Variants in CADM1 observed in about 807,000 individuals in gnomAD.
CADM1 encodes the protein cell adhesion molecule 1, also known as TSLC-1.
A neutral mutation model predicts 53.1 loss-of-function variants in CADM1; 15 were observed. The ratio of observed to expected loss-of-function variants is 0.28; its 90% CI spans 0.19 to 0.44. The LOEUF (loss-of-function observed/expected upper bound fraction) is 0.44. Among genes scored for constraint, CADM1 ranks in the 20% least tolerant of loss-of-function variants. CADM1 has a pLI of 1.00. For synonymous variants in CADM1, 281 were observed against 243.0 expected (o/e 1.16, Z -1.45); for missense variants, 434 against 611.3 (o/e 0.71, Z 3.06).
At chr11:115,228,182 C>T (rs1472976183) in intron 5 of CADM1, among the ~76,000 whole-genome samples, 1 of 152,204 alleles carries the variant, frequency 6.6e-6, no homozygotes, top group Non-Finnish European at 1.5e-5. Flanking sequence ...TCCATCCCTA[C>T]AGTCTTTGTG....
At chr11:115,439,942 T>C (rs1216871338) in intron 1 of CADM1, among the ~76,000 whole-genome samples, 2 of 152,228 alleles carry the variant, frequency 1.3e-5, no homozygotes, top group Non-Finnish European at 1.5e-5. Context: ...ATCTGTTCCC[T>C]GAATTAACAG....
intron 1 of CADM1, among the ~76,000 whole-genome samples, chr11:115,241,585 A>G (rs1942230955): frequency 1.3e-5 from 2 of 152,056 alleles, no homozygotes; most frequent in South Asian, 4.1e-4. Context: ...CACAGGGCTG[A>G]TGGGGGGATG....
intron 1 of CADM1, among the ~76,000 whole-genome samples, chr11:115,347,768 C>T (rs570003406): frequency 1.3e-4 from 20 of 152,142 alleles, no homozygotes; most frequent in Middle Eastern, 3.4e-3. Flanking sequence ...AGTTTAATGC[C>T]CTCACTATAC....
intron 1 of CADM1, among the ~76,000 whole-genome samples, chr11:115,348,636 G>A (rs1945645800): frequency 6.6e-6 from 1 of 151,990 alleles, no homozygotes; most frequent in Non-Finnish European, 1.5e-5. Context: ...AGTATCAAAC[G>A]CAGCTCTTGT....
chr11:115,359,925 T>C (rs890622275), intron 1 of CADM1, among the ~76,000 whole-genome samples: 6 of 152,180 alleles, frequency 3.9e-5, no homozygotes, highest in African/African-American at 1.4e-4. Context: ...ACAATTGCCT[T>C]GATATTTCAA....
At chr11:115,347,639 T>C (rs1316337225) in intron 1 of CADM1, among the ~76,000 whole-genome samples, 1 of 152,222 alleles carries the variant, frequency 6.6e-6, no homozygotes, top group East Asian at 1.9e-4. Flanking sequence ...AAGGGCATTT[T>C]TAACCACTGT....
intron 5 of CADM1, among the ~76,000 whole-genome samples, chr11:115,223,875 T>C (rs1050060163): frequency 7.0e-6 from 1 of 143,310 alleles, no homozygotes; most frequent in South Asian, 2.2e-4. Context: ...GAATCATAAA[T>C]ACTAAAATAA....
chr11:115,358,835 A>G (rs910422745), intron 1 of CADM1, among the ~76,000 whole-genome samples: 4 of 152,232 alleles, frequency 2.6e-5, no homozygotes, highest in African/African-American at 9.6e-5. Flanking sequence ...ATCTAAAGTT[A>G]GCCACTTTTC....
intron 1 of CADM1, among the ~76,000 whole-genome samples, chr11:115,439,369 A>AGG (rs909206827): frequency 2.0e-5 from 3 of 152,186 alleles, no homozygotes; most frequent in African/African-American, 7.2e-5. Flanking sequence ...GACTGCAGGG[A>AGG]GGAGGTATAC....
intron 1 of CADM1, among the ~76,000 whole-genome samples, chr11:115,355,007 A>C (rs1053171438): frequency 2.6e-5 from 4 of 152,120 alleles, no homozygotes; most frequent in Non-Finnish European, 5.9e-5. Context: ...GAACAAAAAC[A>C]CTCCTCTACA....
At chr11:115,370,231 A>G (rs2135122092) in intron 1 of CADM1, among the ~76,000 whole-genome samples, 1 of 152,302 alleles carries the variant, frequency 6.6e-6, no homozygotes, top group South Asian at 2.1e-4. Flanking sequence ...GGTAAGAAAG[A>G]GATCAGAGCA....
At chr11:115,426,675 T>C (rs918799913) in intron 1 of CADM1, among the ~76,000 whole-genome samples, 2 of 152,116 alleles carry the variant, frequency 1.3e-5, no homozygotes, top group Non-Finnish European at 1.5e-5. Context: ...TCATCCATAA[T>C]ACTCTCTTCT....
chr11:115,231,840 T>C (rs1411632772), intron 3 of CADM1, among the ~76,000 whole-genome samples: 1 of 151,788 alleles, frequency 6.6e-6, no homozygotes, highest in East Asian at 1.9e-4. Context: ...TACAAAATTA[T>C]CCGGGCACGG....
At chr11:115,285,178 G>A (rs1327567042) in intron 1 of CADM1, among the ~76,000 whole-genome samples, 2 of 152,220 alleles carry the variant, frequency 1.3e-5, no homozygotes, top group African/African-American at 2.4e-5. Context: ...ACTCAGGAGA[G>A]TATGACTTTA....
intron 1 of CADM1, among the ~76,000 whole-genome samples, chr11:115,417,949 T>C (rs145153375): frequency 2.0e-5 from 3 of 152,292 alleles, no homozygotes; most frequent in African/African-American, 7.2e-5. Flanking sequence ...TATTATATTA[T>C]AGTGTGGATC....
At chr11:115,187,708 T>C (rs1939633734) in intron 10 of CADM1, among the ~76,000 whole-genome samples, 1 of 152,226 alleles carries the variant, frequency 6.6e-6, no homozygotes, top group South Asian at 2.1e-4. Context: ...CCCAAAGTGC[T>C]GGGATTACAG....
chr11:115,503,737 C>G (rs944742277), intron 1 of CADM1, among the ~76,000 whole-genome samples: 1 of 151,500 alleles, frequency 6.6e-6, no homozygotes, highest in Admixed American at 6.6e-5. Flanking sequence ...CAGGGGAGAT[C>G]AGACAAGTCT....
chr11:115,462,168 G>A (rs1373983003), intron 1 of CADM1, among the ~76,000 whole-genome samples: 1 of 152,178 alleles, frequency 6.6e-6, no homozygotes, highest in African/African-American at 2.4e-5. Flanking sequence ...GGGCAAAGAA[G>A]ATAATGCTTA....
rs1945944780 is a variant in CADM1, at chr11:115,358,713, T to C, written c.125-118293A>G. ...TCACATCAGTAATTTCAAAACATAT[T>C]GCACAACAAGATCACCTAATCTAGT... On this transcript the variant is annotated intron_variant, in intron 1 of 11. Coordinates refer to ENST00000331581, the MANE Select transcript of CADM1 (RefSeq NM_001301043.2). Among the ~76,000 whole-genome samples, 4 of 152,306 alleles carry C rather than the reference T, an allele frequency of 2.6e-5. No individual in the cohort carries two copies. In the South Asian group the frequency reaches 8.3e-4, roughly 32 times the overall value.
Sources: allele counts gnomAD v4.1 joint callset (sites outside exome capture counted in the v4.1 genomes callset), GRCh38; gene constraint gnomAD v4.1.1; transcripts MANE v1.5; gene names NCBI Gene and HGNC (gene_info 2026-07-23, HGNC 2026-07-21).